BICDL1: variants seen among roughly 807,000 people sequenced by gnomAD.
BICDL1 encodes BICD family like cargo adaptor 1, also known as BICD family-like cargo adapter 1.
A neutral mutation model predicts 76.8 loss-of-function variants in BICDL1; 20 were observed. The ratio of observed to expected loss-of-function variants is 0.26; its 90% confidence interval spans 0.18 to 0.38. The LOEUF (loss-of-function observed/expected upper bound fraction) is 0.38, where lower values mean the gene tolerates loss of function less well. Among genes scored for constraint, BICDL1 ranks in the 10% least tolerant of loss-of-function variants. The probability of loss-of-function intolerance (pLI) is 1.00; values close to 1 mark genes in which losing one functional copy is unlikely to be tolerated. For synonymous variants in BICDL1, 383 were observed against 337.1 expected (o/e 1.14, Z -1.49); for missense variants, 700 against 798.6 (o/e 0.88, Z 1.49).
chr12:120,070,955 C>A (rs534702137), intron 4 of BICDL1, among the ~76,000 whole-genome samples: 17 of 152,010 alleles, frequency 1.1e-4, no homozygotes, highest in South Asian at 2.1e-4. Flanking sequence ...GTCTCGAACT[C>A]CTGATTTCAG....
At chr12:120,059,583 T>C (rs995489020) in intron 2 of BICDL1, among the ~76,000 whole-genome samples, 1 of 152,150 alleles carries the variant, frequency 6.6e-6, no homozygotes, top group Non-Finnish European at 1.5e-5. Context: ...CTAATTTTTG[T>C]ATTTTTAGTA....
chr12:120,033,348 T>A (rs1274007539), intron 2 of BICDL1, among the ~76,000 whole-genome samples: 3 of 150,714 alleles, frequency 2.0e-5, no homozygotes, highest in Non-Finnish European at 4.4e-5. Flanking sequence ...GGGCCAGTTT[T>A]CCTGTGGAGA....
intron 1 of BICDL1, among the ~76,000 whole-genome samples, chr12:119,998,294 T>TTTCAG (rs1951693188): frequency 1.3e-5 from 2 of 152,282 alleles, no homozygotes; most frequent in East Asian, 3.9e-4. Context: ...CATAATAACT[T>TTTCAG]TAAGTATTTT....
rs558221602 is a variant in BICDL1 at position 119,989,948 on chromosome 12, C to A, written c.80C>A (p.Pro27His). 846 of 1,465,672 alleles carry A rather than the reference C, an allele frequency of 5.8e-4. 9 individuals are homozygous for A. In the South Asian group the frequency reaches 7.8e-3, roughly 14 times the overall value. The allele number at this position is 1,465,672 out of a possible 1,614,324, so 90.8% of individuals were successfully genotyped here. A position where few individuals can be genotyped will look rare whatever the true frequency, so the allele number is the denominator to read the frequency against. The change falls in exon 1 of 10, where the codon CCC becomes CAC. Residue 27 changes from proline (P) to histidine (H), a missense_variant. By Grantham distance (77) the Pro-to-His change is moderately conservative. Transcript: ENST00000548673. Reference sequence around the variant, plus strand: ...GACAGCGCCTGCTGCATGGAGCTGCCCGCCGCGGCCGGGGACGCAGTCCGG... The same window carrying A: ...GACAGCGCCTGCTGCATGGAGCTGCACGCCGCGGCCGGGGACGCAGTCCGG... ...EPDSACCMEL[P>H]AAAGDAVRSP...
rs193195539 is a variant in BICDL1, at chr12:120,036,349, A to T, written c.646-25361A>T. On this transcript the variant is annotated intron_variant, in intron 2 of 9. Transcript: ENST00000548673. Reference sequence around the variant, plus strand: ...GAATTTACTCAGTTATCCATGGGATAGCCTTTATGCTAGTTTAATTCTTTC... The same window carrying T: ...GAATTTACTCAGTTATCCATGGGATTGCCTTTATGCTAGTTTAATTCTTTC... Among the ~76,000 whole-genome samples the T allele has an allele frequency of 5.6e-4, 86 of 152,356 alleles. No individual in the cohort carries two copies. The Middle Eastern group carries it at 0.017, about 30-fold the overall frequency.
At chr12:120,001,996 C>G (rs977122915) in intron 2 of BICDL1, among the ~76,000 whole-genome samples, 2 of 152,164 alleles carry the variant, frequency 1.3e-5, no homozygotes, top group African/African-American at 4.8e-5. Flanking sequence ...CACACCACTG[C>G]ACTGCAGCCT....
chr12:120,024,894 T>A (rs923887715), intron 2 of BICDL1, among the ~76,000 whole-genome samples: 1 of 152,030 alleles, frequency 6.6e-6, no homozygotes, highest in African/African-American at 2.4e-5. Context: ...GCCAGACTGG[T>A]TTCGAACTCC....
chr12:120,021,213 G>A (rs1374858693), intron 2 of BICDL1, among the ~76,000 whole-genome samples: 1 of 152,004 alleles, frequency 6.6e-6, no homozygotes, highest in Admixed American at 6.6e-5. Context: ...GAACCCAGAA[G>A]GCAGAGGTTA....
intron 2 of BICDL1, among the ~76,000 whole-genome samples, chr12:120,026,660 G>A (rs1952309574): frequency 6.6e-6 from 1 of 152,226 alleles, no homozygotes; most frequent in Non-Finnish European, 1.5e-5. Context: ...GGTTCTATGG[G>A]TTTCTGTGGC....
At position 119,990,104 on chromosome 12, in the gene BICDL1, A is replaced by G. The variant is rs771846007; in HGVS notation, c.236A>G (p.Glu79Gly). 6.5e-7 allele frequency: 1 copy of G among 1,549,010 alleles called. No homozygotes were observed. Among genetic ancestry groups the G allele is most frequent in the Non-Finnish European group, 8.7e-7 (1 of 1,146,752 alleles). ...PSDPGEHPQA[E>G]PGSLAEGAGP... ...GACCCCGGGGAACACCCTCAGGCCG[A>G]GCCTGGGTCTCTGGCCGAGGGGGCC... Residue 79 changes from glutamate to glycine, a missense_variant, in exon 1 of 10, where the codon GAG becomes GGG. Physicochemically the swap from Glu to Gly is moderately conservative, Grantham distance 98 (BLOSUM62 -2). Transcript: ENST00000548673.
intron 2 of BICDL1, among the ~76,000 whole-genome samples, chr12:120,008,150 CTTTTTTTTTTTT>C (rs71072590): frequency 5.8e-4 from 36 of 61,728 alleles, no homozygotes; most frequent in South Asian, 5.6e-3. Flanking sequence ...ATTACTCTTT[CTTTTTTTTTTTT>C]TTTTTTTTTT....
At chr12:120,050,384 A>C in intron 2 of BICDL1, among the ~76,000 whole-genome samples, 1 of 150,676 alleles carries the variant, frequency 6.6e-6, no homozygotes, top group South Asian at 2.1e-4. Flanking sequence ...CTCCTGCCTC[A>C]GCCTCCCAAG....
At chr12:119,990,887 A>T (rs944325089) in intron 1 of BICDL1, among the ~76,000 whole-genome samples, 1 of 152,236 alleles carries the variant, frequency 6.6e-6, no homozygotes, top group Non-Finnish European at 1.5e-5. Flanking sequence ...AGTGGATTTA[A>T]TTTGGGCCTC....
At chr12:120,074,674 T>G in intron 7 of BICDL1, 88 bp downstream of exon 7, 1 of 959,118 alleles carries the variant, frequency 1.0e-6, no homozygotes, top group Non-Finnish European at 1.2e-6. Context: ...CTCTCCCATT[T>G]CTGTGTGAGA....
At chr12:120,033,538 G>A (rs1952472443) in intron 2 of BICDL1, among the ~76,000 whole-genome samples, 4 of 151,582 alleles carry the variant, frequency 2.6e-5, no homozygotes, top group African/African-American at 4.9e-5. Context: ...CTCCACGCCC[G>A]GCTAATTTTG....
At chr12:120,054,018 T>TA (rs149649197) in intron 2 of BICDL1, among the ~76,000 whole-genome samples, 4,667 of 149,288 alleles carry the variant, frequency 0.031, 108 homozygotes, top group Non-Finnish European at 0.047. Flanking sequence ...ACTAAAAATA[T>TA]AAAAAAAATA....
rs915669921 is a variant in BICDL1, at chr12:120,003,905, A to G, written c.645+5169A>G. ...GATTGGCCATTATTTGGGTTTAGGT[A>G]TCATTATGGCTTTCCTGTCCTTCTT... On this transcript the variant is annotated intron_variant, in intron 2 of 9. Coordinates refer to ENST00000548673, the MANE Select transcript of BICDL1 (RefSeq NM_001367886.1). 1.8e-4 allele frequency among the ~76,000 whole-genome samples: 28 copies of G among 152,306 alleles called. 1 individual carries two copies. The highest frequency in any genetic ancestry group is 6.7e-4 in the African/African-American group (28 of 41,566).
Position 120,025,071 on chromosome 12 carries a change from C to T in BICDL1, c.645+26335C>T, listed in dbSNP as rs112768700. Among the ~76,000 whole-genome samples, 137 of 129,270 alleles carry T rather than the reference C, an allele frequency of 1.1e-3. 1 individual carries two copies. Among genetic ancestry groups the T allele is most frequent in the African/African-American group, 3.9e-3 (129 of 33,400 alleles). The allele number at this position is 129,270 out of a possible 152,430, so 84.8% of individuals were successfully genotyped here. ...TTTCTTTTTTTTTTTTTTTTTGAGA[C>T]GGAGGAGTCTTTCTGTCACCCAGGC... On this transcript the variant is annotated intron_variant, in intron 2 of 9. Coordinates refer to ENST00000548673, the MANE Select transcript of BICDL1 (RefSeq NM_001367886.1).
intron 7 of BICDL1, among the ~76,000 whole-genome samples, chr12:120,075,259 C>T (rs1294902139): frequency 6.6e-6 from 1 of 152,152 alleles, no homozygotes; most frequent in East Asian, 1.9e-4. Flanking sequence ...TAGCACCAAG[C>T]AAGCAGCATC....
Sources: gnomAD v4.1 joint callset for allele counts (sites outside exome capture counted in the v4.1 genomes callset) on GRCh38, gnomAD v4.1.1 for gene constraint, MANE v1.5 for transcripts, NCBI Gene and HGNC (gene_info 2026-07-23, HGNC 2026-07-21) for gene names.